FYB2: variants seen among roughly 807,000 people sequenced by gnomAD.
FYB2 encodes the protein FYN binding protein 2.
Under a neutral mutation model 94.1 loss-of-function variants are expected in FYB2, and 103 were observed. The observed-to-expected ratio is 1.09, with a 90% confidence interval of 0.93 to 1.29. The LOEUF (loss-of-function observed/expected upper bound fraction) is 1.29, where lower values mean the gene tolerates loss of function less well. Among genes scored for constraint, FYB2 ranks in the 50% most tolerant of loss-of-function variants. The pLI, the probability that FYB2 is intolerant of heterozygous loss-of-function variation, is 0.00. For missense variants in FYB2, 896 were observed against 841.5 expected (o/e 1.06, Z -0.80); for synonymous variants, 293 against 287.9 (o/e 1.02, Z -0.18).
chr1:56,757,293 T>C (rs1203488069), intron 6 of FYB2, among the ~76,000 whole-genome samples: 1 of 152,086 alleles, frequency 6.6e-6, no homozygotes, highest in East Asian at 1.9e-4. Context: ...ATAATAATCA[T>C]TCATATTTTT....
chr1:56,816,581 T>A (rs939883899), intron 1 of FYB2, among the ~76,000 whole-genome samples: 1 of 152,194 alleles, frequency 6.6e-6, no homozygotes, highest in Non-Finnish European at 1.5e-5. Context: ...TGTCAGAGAA[T>A]GTGAGGCCAA....
chr1:56,788,469 G>A (rs1037179938), intron 3 of FYB2, among the ~76,000 whole-genome samples: 4 of 152,160 alleles, frequency 2.6e-5, no homozygotes, highest in African/African-American at 9.7e-5. Context: ...ACAGAAAAAT[G>A]GCTTCCAAAG....
chr1:56,824,821 A>AGGGAG, the FYB2 span: 2 of 152,398 alleles, frequency 1.3e-5, no homozygotes, highest in East Asian at 3.9e-4. Context: ...GACAGCTTAT[A>AGGGAG]GGGAGGTGGG....
intron 4 of FYB2, among the ~76,000 whole-genome samples, chr1:56,772,275 T>C (rs1172713459): frequency 6.6e-6 from 1 of 152,146 alleles, no homozygotes; most frequent in African/African-American, 2.4e-5. Context: ...AATAAATATC[T>C]CATTTCAGAT....
chr1:56,756,628 C>T (rs1376848500), intron 6 of FYB2, among the ~76,000 whole-genome samples: 1 of 152,108 alleles, frequency 6.6e-6, no homozygotes, highest in Non-Finnish European at 1.5e-5. Flanking sequence ...ATAATTCTAG[C>T]AAATTAGATG....
intron 5 of FYB2, among the ~76,000 whole-genome samples, chr1:56,765,523 G>A (rs917236223): frequency 1.3e-5 from 2 of 152,148 alleles, no homozygotes; most frequent in Non-Finnish European, 2.9e-5. Context: ...CATTGCTGTT[G>A]GTGGTGGGCC....
At chr1:56,788,908 G>C in intron 3 of FYB2, 65 bp downstream of exon 3, 1 of 1,583,510 alleles carries the variant, frequency 6.3e-7, no homozygotes, top group Non-Finnish European at 8.7e-7. Context: ...CGTCACCTGG[G>C]AGAGGATGTG....
Position 56,792,466 on chromosome 1 carries a change from T to C in FYB2, c.347A>G (p.Glu116Gly), listed in dbSNP as rs1386247239. 6.2e-7 allele frequency: 1 copy of C among 1,614,196 alleles called. No homozygotes were observed. The highest frequency in any genetic ancestry group is 8.5e-7 in the Non-Finnish European group (1 of 1,180,022). ...TSSQKASLLLEVTQSNVEIIT... is the reference protein window; with the variant it reads ...TSSQKASLLLGVTQSNVEIIT... Reference sequence around the variant, plus strand: ...TATCTCAACATTTGATTGAGTCACCTCTAACAGCAGAGAAGCCTTCTGTGA... The same window carrying C: ...TATCTCAACATTTGATTGAGTCACCCCTAACAGCAGAGAAGCCTTCTGTGA... Residue 116 changes from glutamate to glycine, a missense_variant, in exon 2 of 20, where the codon GAG (glutamate) becomes GGG (glycine). Transcript: ENST00000343433.
At chr1:56,787,421 A>G (rs1201809403) in intron 3 of FYB2, among the ~76,000 whole-genome samples, 1 of 152,208 alleles carries the variant, frequency 6.6e-6, no homozygotes, top group Non-Finnish European at 1.5e-5. Context: ...TTTCTTATTT[A>G]TGGGTACAAT....
chr1:56,727,326 A>AT (rs903482776), intron 15 of FYB2, among the ~76,000 whole-genome samples: 14 of 152,012 alleles, frequency 9.2e-5, no homozygotes, highest in Admixed American at 1.3e-4. Flanking sequence ...TATAATTTGC[A>AT]TTTTTTCCCC....
At chr1:56,769,736 A>G (rs1645710862) in intron 4 of FYB2, among the ~76,000 whole-genome samples, 1 of 152,184 alleles carries the variant, frequency 6.6e-6, no homozygotes, top group African/African-American at 2.4e-5. Context: ...GGAAAAATGC[A>G]ATGAGAAAGC....
intron 13 of FYB2, 22 bp downstream of exon 13, chr1:56,740,675 G>T (rs1335226575): frequency 2.8e-6 from 4 of 1,429,648 alleles, no homozygotes; most frequent in African/African-American, 1.4e-5. Flanking sequence ...CTCGTGGAAA[G>T]GGATTTAAAG....
intron 16 of FYB2, 73 bp from the exon 17 acceptor site, chr1:56,723,754 A>G: frequency 1.2e-6 from 1 of 803,434 alleles, no homozygotes; most frequent in Non-Finnish European, 2.0e-6. Context: ...CTACGAAGTC[A>G]CTTCATTTCA....
At chr1:56,791,464 C>T (rs1307248736) in intron 2 of FYB2, among the ~76,000 whole-genome samples, 1 of 152,068 alleles carries the variant, frequency 6.6e-6, no homozygotes, top group Non-Finnish European at 1.5e-5. Flanking sequence ...CCATATTAGC[C>T]AGGCTGGTTT....
chr1:56,820,113 C>A (rs1310425021), upstream of FYB2, among the ~76,000 whole-genome samples: 1 of 151,836 alleles, frequency 6.6e-6, no homozygotes, highest in Non-Finnish European at 1.5e-5. Flanking sequence ...TGCCTGTAAT[C>A]CCAGCTACTT....
At chr1:56,757,897 G>A (rs1038566026) in intron 6 of FYB2, among the ~76,000 whole-genome samples, 6 of 150,438 alleles carry the variant, frequency 4.0e-5, no homozygotes, top group African/African-American at 1.5e-4. Context: ...AGCCTCTCGA[G>A]TAGCTGGGAC....
At chr1:56,783,988 A>T (rs1399436250) in intron 4 of FYB2, among the ~76,000 whole-genome samples, 1 of 152,190 alleles carries the variant, frequency 6.6e-6, no homozygotes, top group African/African-American at 2.4e-5. Flanking sequence ...AAACACTTCA[A>T]GATCATTATT....
intron 13 of FYB2, among the ~76,000 whole-genome samples, chr1:56,738,951 C>G (rs1168132082): frequency 6.6e-6 from 1 of 151,932 alleles, no homozygotes; most frequent in South Asian, 2.1e-4. Flanking sequence ...ACTTTGAGAA[C>G]AAAAGAAGGC....
Position 56,792,054 on chromosome 1 carries a change from AC to A in FYB2, c.757+1del. 1 of 1,566,720 alleles carries A rather than the reference AC, an allele frequency of 6.4e-7. No individual in the cohort carries two copies. Among genetic ancestry groups the A allele is most frequent in the Non-Finnish European group, 8.6e-7 (1 of 1,162,320 alleles). ...CTGTCCCATGGGGATCACGTTTGTT[AC>A]CTGGGGCCTGACTGGCAAGCTCACA... On this transcript the variant is annotated splice_donor_variant, in intron 2 of 19. Transcript: ENST00000343433. LOFTEE classifies it high-confidence loss of function.
Sources: gnomAD v4.1 joint callset for allele counts (sites outside exome capture counted in the v4.1 genomes callset) on GRCh38, gnomAD v4.1.1 for gene constraint, MANE v1.5 for transcripts, NCBI Gene and HGNC (gene_info 2026-07-23, HGNC 2026-07-21) for gene names.